NR5A2: variants seen among roughly 807,000 people sequenced by gnomAD.
NR5A2 encodes the protein CYP7A promoter-binding factor.
NR5A2 carries 26 observed loss-of-function variants against 62.7 expected under a neutral mutation model. That is an observed-to-expected ratio of 0.41 (90% CI 0.30 to 0.58). The LOEUF (loss-of-function observed/expected upper bound fraction) is 0.58. NR5A2 is among the 20% of genes least tolerant of loss of function. The pLI is 0.22. For missense variants in NR5A2, 541 were observed against 669.1 expected (o/e 0.81, Z 2.11); for synonymous variants, 246 against 241.7 (o/e 1.02, Z -0.16).
At chr1:200,050,935 T>G (rs1451729716) in intron 5 of NR5A2, among the ~76,000 whole-genome samples, 1 of 152,172 alleles carries the variant, frequency 6.6e-6, no homozygotes, top group Non-Finnish European at 1.5e-5. Flanking sequence ...ACTGTTGTTT[T>G]ATGAAAAATG....
At chr1:200,153,063 C>T (rs1250835928) in intron 7 of NR5A2, among the ~76,000 whole-genome samples, 2 of 152,206 alleles carry the variant, frequency 1.3e-5, no homozygotes, top group Non-Finnish European at 2.9e-5. Flanking sequence ...TCATGCATTG[C>T]CAATCTTAAT....
At chr1:200,046,207 G>A (rs1662355574) in intron 4 of NR5A2, among the ~76,000 whole-genome samples, 1 of 152,126 alleles carries the variant, frequency 6.6e-6, no homozygotes, top group African/African-American at 2.4e-5. Flanking sequence ...TAAATCATTA[G>A]CAAAGGTCTG....
intron 5 of NR5A2, among the ~76,000 whole-genome samples, chr1:200,109,466 A>T (rs1665838672): frequency 6.6e-6 from 1 of 152,162 alleles, no homozygotes; most frequent in Non-Finnish European, 1.5e-5. Flanking sequence ...AGAAAATATA[A>T]GGCTGGAGAA....
intron 5 of NR5A2, among the ~76,000 whole-genome samples, chr1:200,102,881 G>A (rs749123782): frequency 5.3e-5 from 8 of 152,188 alleles, no homozygotes; most frequent in South Asian, 2.1e-4. Context: ...TGAAGGAGGC[G>A]CCTTTTAGAA....
chr1:200,061,979 C>A (rs2816913), intron 5 of NR5A2, among the ~76,000 whole-genome samples: 1 of 151,936 alleles, frequency 6.6e-6, no homozygotes, highest in Non-Finnish European at 1.5e-5. Flanking sequence ...GTTGAATTAA[C>A]GTGCTCAAGA....
chr1:200,104,139 T>G (rs981125936), intron 5 of NR5A2, among the ~76,000 whole-genome samples: 2 of 152,204 alleles, frequency 1.3e-5, no homozygotes, highest in Non-Finnish European at 2.9e-5. Context: ...CTTTGTATTA[T>G]GGAACAGCAG....
chr1:200,175,635 T>C lies in NR5A2; in HGVS notation c.*1425T>C, dbSNP rs1007498051. On this transcript the variant is annotated 3_prime_UTR_variant, in exon 8 of 8. Transcript: ENST00000367362. ...AGTCAAATAAGATATAGTGTTTACA[T>C]TCTTTAGGTCCTGAGGGGCAGGGGG... 2.6e-5 allele frequency: 4 copies of C among 152,666 alleles called. No individual in the cohort carries two copies. Among genetic ancestry groups the C allele is most frequent in the African/African-American group, 9.6e-5 (4 of 41,472 alleles). The allele number at this position is 152,666 out of a possible 1,614,324, so 9.5% of individuals were successfully genotyped here.
At chr1:200,154,603 C>T (rs1653290460) in intron 7 of NR5A2, among the ~76,000 whole-genome samples, 1 of 152,192 alleles carries the variant, frequency 6.6e-6, no homozygotes, top group Non-Finnish European at 1.5e-5. Flanking sequence ...CCTGTAGCCC[C>T]AGCTACTGCA....
At chr1:200,041,147 G>T (rs1170317518) in intron 2 of NR5A2, among the ~76,000 whole-genome samples, 1 of 152,206 alleles carries the variant, frequency 6.6e-6, no homozygotes, top group African/African-American at 2.4e-5. Flanking sequence ...GGGGTCGCTG[G>T]GTGAGGCCGG....
At chr1:200,140,757 G>A (rs139313853) in intron 7 of NR5A2, among the ~76,000 whole-genome samples, 524 of 152,296 alleles carry the variant, frequency 3.4e-3, no homozygotes, top group Middle Eastern at 0.031. Flanking sequence ...AAGGCAGGGC[G>A]CAGTGGCTAA....
intron 5 of NR5A2, among the ~76,000 whole-genome samples, chr1:200,074,904 A>AT (rs1295358812): frequency 1.3e-5 from 2 of 151,714 alleles, no homozygotes; most frequent in East Asian, 3.9e-4. Context: ...AAATAGTTAC[A>AT]TTTTTAGGGG....
chr1:200,093,489 G>C (rs1237714486), intron 5 of NR5A2, among the ~76,000 whole-genome samples: 1 of 152,104 alleles, frequency 6.6e-6, no homozygotes, highest in Non-Finnish European at 1.5e-5. Context: ...ATAGATTCCA[G>C]ATGCAAACTG....
intron 6 of NR5A2, among the ~76,000 whole-genome samples, chr1:200,114,187 A>AAACT (rs202035141): frequency 0.55 from 65,892 of 118,816 alleles, 14,730 homozygotes; most frequent in East Asian, 0.75. Flanking sequence ...CATCTCAAAA[A>AAACT]AAATAATAGA....
chr1:200,165,637 T>C (rs1369868118), intron 7 of NR5A2, among the ~76,000 whole-genome samples: 1 of 152,200 alleles, frequency 6.6e-6, no homozygotes, highest in Non-Finnish European at 1.5e-5. Context: ...TTTCATTTAA[T>C]AATACACATT....
At chr1:200,145,286 G>C (rs1667641495) in intron 7 of NR5A2, among the ~76,000 whole-genome samples, 1 of 152,164 alleles carries the variant, frequency 6.6e-6, no homozygotes. Context: ...CTCCAGCCTA[G>C]GTGACAGAGC....
chr1:200,141,164 G>A (rs1213229755), intron 7 of NR5A2, among the ~76,000 whole-genome samples: 1 of 152,108 alleles, frequency 6.6e-6, no homozygotes, highest in Non-Finnish European at 1.5e-5. Context: ...TGGGGGGTGG[G>A]TTCTGGCAAT....
At chr1:200,127,428 G>C (rs754780899) in intron 7 of NR5A2, among the ~76,000 whole-genome samples, 1 of 151,836 alleles carries the variant, frequency 6.6e-6, no homozygotes, top group African/African-American at 2.4e-5. Flanking sequence ...TGTAATCCTA[G>C]CACTTTGGGA....
At chr1:200,137,371 G>A (rs1457389026) in intron 7 of NR5A2, among the ~76,000 whole-genome samples, 1 of 141,976 alleles carries the variant, frequency 7.0e-6, no homozygotes, top group Non-Finnish European at 1.5e-5. Flanking sequence ...TCACCATGTT[G>A]GCCAAGCTGG....
At chr1:200,054,164 AAG>A (rs1220096467) in intron 5 of NR5A2, 5 of 152,228 alleles carry the variant, frequency 3.3e-5, no homozygotes, top group African/African-American at 9.7e-5. Context: ...GTCCATAAAA[AAG>A]AGAACACAGG....
Sources: gnomAD v4.1 joint callset for allele counts (sites outside exome capture counted in the v4.1 genomes callset) on GRCh38, gnomAD v4.1.1 for gene constraint, MANE v1.5 for transcripts, NCBI Gene and HGNC (gene_info 2026-07-23, HGNC 2026-07-21) for gene names.